AKAP7: variants seen among roughly 807,000 people sequenced by gnomAD.
The protein encoded by AKAP7 is A-kinase anchoring protein 7, also known as A kinase (PRKA) anchor protein 7.
In AKAP7, 39 loss-of-function variants were observed where a neutral mutation model predicts 39.5. The ratio of observed to expected loss-of-function variants is 0.99; its 90% CI spans 0.76 to 1.29. AKAP7 has a LOEUF of 1.29. Among genes scored for constraint, AKAP7 ranks in the 50% most tolerant of loss-of-function variants. The pLI is 0.00. For missense variants in AKAP7, 414 were observed against 407.7 expected (o/e 1.02, Z -0.13); for synonymous variants, 140 against 139.1 (o/e 1.01, Z -0.05).
At chr6:131,128,260 G>A in the AKAP7 span, among the ~76,000 whole-genome samples, 1 of 152,146 alleles carries the variant, frequency 6.6e-6, no homozygotes, top group Non-Finnish European at 1.5e-5. Flanking sequence ...TTTTTATAAA[G>A]AGAGGTGTGC....
chr6:131,243,635 A>T (rs920307674), intron 7 of AKAP7, among the ~76,000 whole-genome samples: 5 of 152,208 alleles, frequency 3.3e-5, no homozygotes, highest in African/African-American at 1.2e-4. Flanking sequence ...TTGAAGCTTG[A>T]CATACCAGGA....
At chr6:131,260,844 A>C (rs1393958551) in intron 7 of AKAP7, among the ~76,000 whole-genome samples, 1 of 152,012 alleles carries the variant, frequency 6.6e-6, no homozygotes, top group Non-Finnish European at 1.5e-5. Context: ...AGAACACCAA[A>C]ATTTTCATGA....
In AKAP7 at chr6:131,282,289, AC is replaced by A. The variant is rs1323030744; in HGVS notation, c.*565del. The stretch of plus-strand genomic sequence containing the variant: ...AATGATATATTTTTGGTGAAATGCA[AC>A]CTTTTCTATAAAATGTGGGCAACAT... On this transcript the variant is annotated 3_prime_UTR_variant, in exon 8 of 8. Coordinates refer to ENST00000431975, the MANE Select transcript of AKAP7 (RefSeq NM_016377.4). The A allele has an allele frequency of 2.4e-5, 32 of 1,359,174 alleles. No homozygotes were observed. The highest frequency in any genetic ancestry group is 1.6e-4 in the East Asian group (6 of 37,730). The allele number at this position is 1,359,174 out of a possible 1,614,324, so 84.2% of individuals were successfully genotyped here.
At chr6:131,156,149 A>G (rs1037752450) in intron 2 of AKAP7, among the ~76,000 whole-genome samples, 1 of 152,078 alleles carries the variant, frequency 6.6e-6, no homozygotes, top group East Asian at 1.9e-4. Context: ...TTCCCAGTAC[A>G]GTACAGGTTG....
chr6:131,178,913 A>G (rs915159891), intron 5 of AKAP7, among the ~76,000 whole-genome samples: 9 of 152,200 alleles, frequency 5.9e-5, no homozygotes, highest in Admixed American at 3.3e-4. Context: ...CTCCCTGCCC[A>G]CTGTGCCCCA....
chr6:131,151,676 A>G (rs978072472), intron 2 of AKAP7, among the ~76,000 whole-genome samples: 7 of 152,054 alleles, frequency 4.6e-5, no homozygotes, highest in Admixed American at 1.3e-4. Context: ...AACCTAGGTA[A>G]TGGAGGTTGC....
chr6:131,159,417 T>C (rs545327511), intron 2 of AKAP7, among the ~76,000 whole-genome samples: 1 of 152,288 alleles, frequency 6.6e-6, no homozygotes, highest in Non-Finnish European at 1.5e-5. Flanking sequence ...AAAAAAAAAT[T>C]TCCTGTTTGT....
intron 2 of AKAP7, among the ~76,000 whole-genome samples, chr6:131,152,491 AAACTT>A (rs1331160968): frequency 1.3e-5 from 2 of 152,230 alleles, no homozygotes; most frequent in African/African-American, 4.8e-5. Context: ...ATATATAAAT[AAACTT>A]TACAGATAAA....
At chr6:131,269,827 T>C (rs1814123212) in intron 7 of AKAP7, among the ~76,000 whole-genome samples, 1 of 152,192 alleles carries the variant, frequency 6.6e-6, no homozygotes, top group Admixed American at 6.5e-5. Flanking sequence ...ATTCCTATTT[T>C]GGTATGAAGC....
chr6:131,186,404 TC>T (rs964512844), intron 5 of AKAP7, among the ~76,000 whole-genome samples: 2 of 152,196 alleles, frequency 1.3e-5, no homozygotes, highest in African/African-American at 4.8e-5. Flanking sequence ...AAGTCTCTTT[TC>T]TTATAAGTTA....
chr6:131,193,738 G>T (rs1480150790), intron 5 of AKAP7, among the ~76,000 whole-genome samples: 10 of 151,954 alleles, frequency 6.6e-5, no homozygotes, highest in African/African-American at 2.4e-4. Context: ...TTTGTTATTG[G>T]TCTGTTCAGG....
At chr6:131,241,039 G>A (rs767323274) in intron 7 of AKAP7, among the ~76,000 whole-genome samples, 1 of 152,196 alleles carries the variant, frequency 6.6e-6, no homozygotes, top group Non-Finnish European at 1.5e-5. Context: ...GACTGGAGCT[G>A]TTCCTATTTG....
At chr6:131,187,901 G>A (rs1443501199) in intron 5 of AKAP7, among the ~76,000 whole-genome samples, 1 of 152,196 alleles carries the variant, frequency 6.6e-6, no homozygotes, top group African/African-American at 2.4e-5. Context: ...TTTGCTGGTT[G>A]TTAGGATAAG....
chr6:131,144,263 A>T (rs1197423668), intron 1 of AKAP7, among the ~76,000 whole-genome samples: 1 of 151,478 alleles, frequency 6.6e-6, no homozygotes, highest in Non-Finnish European at 1.5e-5. Context: ...GCCCATCCCC[A>T]ATGAGCCGCT....
chr6:131,162,353 C>A (rs1444830031), intron 3 of AKAP7, among the ~76,000 whole-genome samples: 1 of 152,130 alleles, frequency 6.6e-6, no homozygotes, highest in Admixed American at 6.5e-5. Flanking sequence ...GCCTCTCTAC[C>A]CCTGTAAAGT....
intron 5 of AKAP7, among the ~76,000 whole-genome samples, chr6:131,172,055 CTT>C (rs1269535154): frequency 2.0e-5 from 3 of 152,132 alleles, no homozygotes; most frequent in African/African-American, 4.8e-5. Context: ...TATGAAGAAA[CTT>C]TGTTCGTTGA....
At chr6:131,214,282 A>G (rs1292871976) in intron 6 of AKAP7, among the ~76,000 whole-genome samples, 1 of 152,206 alleles carries the variant, frequency 6.6e-6, no homozygotes. Flanking sequence ...TGAAAGGTGT[A>G]ATATTGTAAA....
chr6:131,228,391 A>G (rs914810547), intron 7 of AKAP7, among the ~76,000 whole-genome samples: 52 of 152,240 alleles, frequency 3.4e-4, no homozygotes, highest in Non-Finnish European at 5.7e-4. Context: ...AGATATGTGC[A>G]TGAATGTCTT....
chr6:131,250,529 C>T (rs748755364), intron 7 of AKAP7: 14 of 1,613,424 alleles, frequency 8.7e-6, no homozygotes, highest in South Asian at 3.3e-5. Context: ...GGGGTCCTCA[C>T]GGAGAAGAAC....
Sources: gnomAD v4.1 joint callset for allele counts (sites outside exome capture counted in the v4.1 genomes callset) on GRCh38, gnomAD v4.1.1 for gene constraint, MANE v1.5 for transcripts, NCBI Gene and HGNC (gene_info 2026-07-23, HGNC 2026-07-21) for gene names.